The following ERICH5 variants were observed in gnomAD, a reference collection of about 807,000 sequenced individuals.
ERICH5 encodes glutamate-rich protein 5.
In ERICH5, 24 loss-of-function variants were observed where a neutral mutation model predicts 28.0. That is an observed-to-expected ratio of 0.86 (90% CI 0.62 to 1.21). The LOEUF (loss-of-function observed/expected upper bound fraction) is 1.21. Ranked by LOEUF, ERICH5 falls within the 50% of genes most tolerant of loss-of-function variation. ERICH5 has a pLI of 0.00. For synonymous variants in ERICH5, 163 were observed against 157.6 expected (o/e 1.03, Z -0.25); for missense variants, 421 against 441.2 (o/e 0.95, Z 0.41).
chr8:98,073,482 A>AATTTTTTTTTTT (rs1814976495), intron 1 of ERICH5, among the ~76,000 whole-genome samples: 2 of 2,582 alleles, frequency 7.7e-4, no homozygotes, highest in African/African-American at 1.7e-3. Context: ...ATATATATAT[A>AATTTTTTTTTTT]TATGTATATA....
chr8:98,064,591 T>C lies in ERICH5; in HGVS notation c.-79T>C, dbSNP rs1400643979. On this transcript the variant is annotated 5_prime_UTR_variant, in exon 1 of 3. Coordinates refer to ENST00000318528, the MANE Select transcript of ERICH5 (RefSeq NM_173549.3). The stretch of plus-strand genomic sequence containing the variant: ...GCAGAGCTGGAGAAACTTCCGCGGC[T>C]ACGGGTGCAGTTGCCTTCGGTTCCC... The C allele has an allele frequency of 2.4e-6, 3 of 1,261,864 alleles. No homozygotes were observed. The highest frequency in any genetic ancestry group is 2.1e-6 in the Non-Finnish European group (2 of 931,920). 78.2% of individuals were successfully genotyped at this position (1,261,864 alleles called of 1,614,324 possible).
At chr8:98,085,627 A>G (rs1201211200) in intron 1 of ERICH5, among the ~76,000 whole-genome samples, 1 of 152,158 alleles carries the variant, frequency 6.6e-6, no homozygotes, top group African/African-American at 2.4e-5. Flanking sequence ...GCTGAGCTAT[A>G]TGGTGCATGT....
chr8:98,078,154 G>T (rs1191994656), intron 1 of ERICH5, among the ~76,000 whole-genome samples: 1 of 152,176 alleles, frequency 6.6e-6, no homozygotes, highest in African/African-American at 2.4e-5. Flanking sequence ...ATTAGCATTT[G>T]TGCCATGGCA....
At chr8:98,082,960 G>T (rs1282860139) in intron 1 of ERICH5, among the ~76,000 whole-genome samples, 2 of 152,238 alleles carry the variant, frequency 1.3e-5, no homozygotes, top group African/African-American at 2.4e-5. Context: ...GGATCACTTG[G>T]ACACTTATGA....
intron 2 of ERICH5, among the ~76,000 whole-genome samples, chr8:98,090,291 A>G (rs532936409): frequency 4.7e-4 from 71 of 152,356 alleles, no homozygotes; most frequent in African/African-American, 1.6e-3. Flanking sequence ...ATTGAAGGCA[A>G]CATGTGAAAC....
intron 1 of ERICH5, among the ~76,000 whole-genome samples, chr8:98,074,871 C>G (rs1427335150): frequency 6.6e-6 from 1 of 152,112 alleles, no homozygotes; most frequent in Non-Finnish European, 1.5e-5. Flanking sequence ...CTTAGTTTTT[C>G]TCTAATGTCC....
intron 1 of ERICH5, among the ~76,000 whole-genome samples, chr8:98,078,491 C>T (rs1271484923): frequency 6.6e-6 from 1 of 152,162 alleles, no homozygotes; most frequent in Admixed American, 6.6e-5. Flanking sequence ...ATGGCATAGT[C>T]ATAGGAAATA....
intron 2 of ERICH5, among the ~76,000 whole-genome samples, chr8:98,092,025 T>TCCTTCCTTCCTTCCTTCCTTCC (rs58823485): frequency 4.0e-4 from 58 of 146,320 alleles, no homozygotes; most frequent in Middle Eastern, 3.4e-3. Flanking sequence ...CTTCCTTCCT[T>TCCTTCCTTCCTTCCTTCCTTCC]TCGAGACAAG....
At chr8:98,073,512 A>C (rs867426322) in intron 1 of ERICH5, among the ~76,000 whole-genome samples, 726 of 6,278 alleles carry the variant, frequency 0.12, 213 homozygotes, top group African/African-American at 0.21. Flanking sequence ...ATATATATAT[A>C]TATGTATATA....
intron 2 of ERICH5, among the ~76,000 whole-genome samples, chr8:98,090,715 A>G (rs1480267167): frequency 6.6e-6 from 1 of 152,132 alleles, no homozygotes; most frequent in African/African-American, 2.4e-5. Flanking sequence ...ACTATGTCTT[A>G]GCATATGGTG....
chr8:98,080,659 C>CT, intron 1 of ERICH5, among the ~76,000 whole-genome samples: 1 of 150,546 alleles, frequency 6.6e-6, no homozygotes, highest in African/African-American at 2.5e-5. Flanking sequence ...TCTTCTTCTC[C>CT]TCCTTCTCCT....
rs1426757779 is a variant in ERICH5 at position 98,064,600 on chromosome 8, A to G, written c.-70A>G. 4 of 1,339,134 alleles carry G rather than the reference A, an allele frequency of 3.0e-6. No individual in the cohort carries two copies. Among genetic ancestry groups the G allele is most frequent in the African/African-American group, 1.5e-5 (1 of 68,180 alleles). The allele number at this position is 1,339,134 out of a possible 1,614,324, so 83.0% of individuals were successfully genotyped here. On this transcript the variant is annotated 5_prime_UTR_variant, in exon 1 of 3. Transcript: ENST00000318528. ...GAGAAACTTCCGCGGCTACGGGTGC[A>G]GTTGCCTTCGGTTCCCGGTTCCGGG... is the stretch of plus-strand genomic sequence containing the variant.
Position 98,089,963 on chromosome 8 carries a change from G to A in ERICH5, c.946G>A (p.Glu316Lys). Residue 316 changes from glutamate (E) to lysine (K), a missense_variant, in exon 2 of 3, where the codon GAG becomes AAG. Coordinates refer to ENST00000318528, the MANE Select transcript of ERICH5 (RefSeq NM_173549.3). ...CATGGAGCATCCAGCACGAAATGTAGAGGCAGGAGCATATGTGGAAATGAT... is the reference window on the plus strand; with the variant it reads ...CATGGAGCATCCAGCACGAAATGTAAAGGCAGGAGCATATGTGGAAATGAT... ...GSMEHPARNVEAGAYVEMIRN... is the reference protein window; with the variant it reads ...GSMEHPARNVKAGAYVEMIRN... 1 of 1,614,190 alleles carries A rather than the reference G, an allele frequency of 6.2e-7. No individual in the cohort carries two copies. The highest frequency in any genetic ancestry group is 8.5e-7 in the Non-Finnish European group (1 of 1,180,032).
At chr8:98,091,846 TTCTTTC>T (rs1342554339) in intron 2 of ERICH5, among the ~76,000 whole-genome samples, 42 of 77,024 alleles carry the variant, frequency 5.5e-4, no homozygotes, top group African/African-American at 1.9e-3. Context: ...TTTTCTTTCT[TTCTTTC>T]TTTCTTTCTT....
intron 1 of ERICH5, among the ~76,000 whole-genome samples, chr8:98,087,580 C>T (rs2130531414): frequency 6.6e-6 from 1 of 152,108 alleles, no homozygotes; most frequent in African/African-American, 2.4e-5. Context: ...AGCTTTCCTC[C>T]CCCATCATTT....
chr8:98,091,186 T>G (rs999910333), intron 2 of ERICH5, among the ~76,000 whole-genome samples: 2 of 152,204 alleles, frequency 1.3e-5, no homozygotes, highest in Admixed American at 1.3e-4. Context: ...TCCACCCGCC[T>G]CGGCCTCCCA....
In ERICH5 at chr8:98,089,137, G is replaced by A; in HGVS notation, c.120G>A (p.Lys40=). The A allele has an allele frequency of 4.3e-6, 7 of 1,614,194 alleles. No homozygotes were observed. The highest frequency in any genetic ancestry group is 5.9e-6 in the Non-Finnish European group (7 of 1,180,038). ...GTGAGTCCTGCTTTGCCCAACCAAA[G>A]CCACATGCACTGGGAAGAGAATCTA... is the stretch of plus-strand genomic sequence containing the variant. ...EESESCFAQP[K]PHALGRESTV... The change falls in exon 2 of 3, where the codon AAG becomes AAA. Residue 40 remains lysine (K), a synonymous_variant. Coordinates refer to ENST00000318528, the MANE Select transcript of ERICH5 (RefSeq NM_173549.3).
chr8:98,089,974 A>T lies in ERICH5; in HGVS notation c.957A>T (p.Ala319=), dbSNP rs752486974. 48 of 1,613,948 alleles carry T rather than the reference A, an allele frequency of 3.0e-5. No homozygotes were observed. The highest frequency in any genetic ancestry group is 4.0e-5 in the Non-Finnish European group (47 of 1,180,024). The stretch of plus-strand genomic sequence containing the variant: ...CAGCACGAAATGTAGAGGCAGGAGC[A>T]TATGTGGAAATGATCAGGAACATCC... ...EHPARNVEAG[A]YVEMIRNIHT... The change falls in exon 2 of 3, where the codon GCA becomes GCT. Residue 319 remains alanine (A), a synonymous_variant. Coordinates refer to ENST00000318528, the MANE Select transcript of ERICH5 (RefSeq NM_173549.3).
At chr8:98,064,996 CT>C (rs1363367284) in intron 1 of ERICH5, among the ~76,000 whole-genome samples, 1 of 152,228 alleles carries the variant, frequency 6.6e-6, no homozygotes, top group Non-Finnish European at 1.5e-5. Flanking sequence ...TGGATTCACC[CT>C]GTCCGCTGAT....
Sources: allele counts gnomAD v4.1 joint callset (sites outside exome capture counted in the v4.1 genomes callset), GRCh38; gene constraint gnomAD v4.1.1; transcripts MANE v1.5; gene names NCBI Gene and HGNC (gene_info 2026-07-23, HGNC 2026-07-21).